The following SIDT1 variants were observed in gnomAD, a reference collection of about 807,000 sequenced individuals.
SIDT1 encodes the protein SID1 transmembrane family member 1.
A neutral mutation model predicts 107.5 loss-of-function variants in SIDT1; 101 were observed. That is an observed-to-expected ratio of 0.94 (90% CI 0.80 to 1.11). The LOEUF is 1.11. Among genes scored for constraint, SIDT1 ranks in the 50% least tolerant of loss-of-function variants. The probability of loss-of-function intolerance (pLI) is 0.00; values close to 1 mark genes in which losing one functional copy is unlikely to be tolerated. For synonymous variants in SIDT1, 395 were observed against 398.2 expected (o/e 0.99, Z 0.10); for missense variants, 1,076 against 1,058.2 (o/e 1.02, Z -0.23).
intron 10 of SIDT1, among the ~76,000 whole-genome samples, chr3:113,596,346 C>G (rs944404413): frequency 9.8e-5 from 15 of 152,352 alleles, no homozygotes; most frequent in African/African-American, 3.6e-4. Context: ...GTGCGCTACT[C>G]TGCATTTGTT....
At chr3:113,592,033 T>C (rs1374896198) in intron 9 of SIDT1, among the ~76,000 whole-genome samples, 2 of 152,174 alleles carry the variant, frequency 1.3e-5, no homozygotes, top group African/African-American at 4.8e-5. Flanking sequence ...TGAAAGAAAC[T>C]AGACACAAAA....
At chr3:113,595,401 C>T (rs1426338067) in intron 10 of SIDT1, among the ~76,000 whole-genome samples, 1 of 151,940 alleles carries the variant, frequency 6.6e-6, no homozygotes, top group African/African-American at 2.4e-5. Context: ...AGTAAGACTT[C>T]GTCTTCATAA....
chr3:113,532,795 C>T lies in SIDT1; in HGVS notation c.-227C>T, dbSNP rs753363129. On this transcript the variant is annotated 5_prime_UTR_variant, in exon 1 of 25. Coordinates refer to ENST00000264852, the MANE Select transcript of SIDT1 (RefSeq NM_017699.3). ...CCACATCTCCACTTCTCCAGTCCGC[C>T]CTACTCTCCACCCGTGACCTCCAGT... 2 of 390,988 alleles carry T rather than the reference C, an allele frequency of 5.1e-6. No individual in the cohort carries two copies. Among genetic ancestry groups the T allele is most frequent in the Non-Finnish European group, 9.0e-6 (2 of 222,156 alleles). 24.2% of individuals were successfully genotyped at this position (390,988 alleles called of 1,614,324 possible).
In SIDT1 at chr3:113,532,718, T is replaced by C. The variant is rs1308526285; in HGVS notation, c.-304T>C. On this transcript the variant is annotated 5_prime_UTR_variant, in exon 1 of 25. Transcript: ENST00000264852. ...AATTCTGGCTGGGTAAGTGGGGGGATTCTCGGCGATGAGAAACGGGGGACT... is the reference window on the plus strand; with the variant it reads ...AATTCTGGCTGGGTAAGTGGGGGGACTCTCGGCGATGAGAAACGGGGGACT... 9.2e-6 allele frequency: 3 copies of C among 325,624 alleles called. No individual in the cohort carries two copies. Among genetic ancestry groups the C allele is most frequent in the Non-Finnish European group, 1.7e-5 (3 of 179,984 alleles). The allele number at this position is 325,624 out of a possible 1,614,324, so 20.2% of individuals were successfully genotyped here. A position where few individuals can be genotyped will look rare whatever the true frequency, so the allele number is the denominator to read the frequency against.
At chr3:113,601,429 A>G (rs1166476442) in intron 10 of SIDT1, 159 bp from the exon 11 acceptor site, 1 of 510,894 alleles carries the variant, frequency 2.0e-6, no homozygotes, top group Non-Finnish European at 3.5e-6. Context: ...GGCAGGCTAG[A>G]TTTGGCAGAT....
At position 113,593,031 on chromosome 3, in the gene SIDT1, G is replaced by A. The variant is rs1461364458; in HGVS notation, c.1028G>A (p.Ser343Asn). 2.5e-6 allele frequency: 4 copies of A among 1,613,736 alleles called. No individual in the cohort carries two copies. Among genetic ancestry groups the A allele is most frequent in the Admixed American group, 1.7e-5 (1 of 60,026 alleles). ...TTTCAGAGAAAATCCATTGATGGAA[G>A]CTTTGGGTCCAATGATGGTAAGAGC... The part of the protein sequence containing the change: ...LRFQRKSIDG[S>N]FGSNDGSGNM... Residue 343 changes from serine to asparagine, a missense_variant, in exon 10 of 25, where the codon AGC (serine) becomes AAC (asparagine). Transcript: ENST00000264852.
intron 1 of SIDT1, among the ~76,000 whole-genome samples, chr3:113,550,620 G>T (rs996300512): frequency 2.0e-5 from 3 of 151,956 alleles, no homozygotes; most frequent in African/African-American, 7.3e-5. Context: ...TTTTTTCTGG[G>T]TTTTTTTGTC....
At chr3:113,560,289 G>T (rs1011162299) in intron 1 of SIDT1, among the ~76,000 whole-genome samples, 3 of 152,182 alleles carry the variant, frequency 2.0e-5, no homozygotes, top group Non-Finnish European at 4.4e-5. Context: ...GGGTAATCAC[G>T]TTGTCCTCTG....
chr3:113,619,854 G>A (rs1258702055), intron 21 of SIDT1, 128 bp downstream of exon 21: 5 of 829,384 alleles, frequency 6.0e-6, no homozygotes, highest in Admixed American at 2.2e-5. Flanking sequence ...GCTTGTTCTA[G>A]AGACTCAAAA....
chr3:113,610,947 A>C lies in SIDT1; in HGVS notation c.1721-61A>C, dbSNP rs150079499. 2.9e-4 allele frequency: 447 copies of C among 1,568,396 alleles called. No individual in the cohort carries two copies. The African/African-American group carries it at 5.1e-3, about 18-fold the overall frequency. On this transcript the variant is annotated intron_variant, in intron 17 of 24. Coordinates refer to ENST00000264852, the MANE Select transcript of SIDT1 (RefSeq NM_017699.3). ...TCAGAGTCTGAAGAAAAATCTAGAA[A>C]ATATCATCTGTCTGTCACCTACTGA...
At chr3:113,607,255 T>A in intron 15 of SIDT1, 141 bp downstream of exon 15, 1 of 587,238 alleles carries the variant, frequency 1.7e-6, no homozygotes, top group Admixed American at 2.9e-5. Flanking sequence ...AACCAAGAAG[T>A]TGAGACCAGG....
intron 14 of SIDT1, among the ~76,000 whole-genome samples, chr3:113,605,708 A>T (rs904579304): frequency 6.6e-6 from 1 of 152,192 alleles, no homozygotes; most frequent in Non-Finnish European, 1.5e-5. Context: ...TTGTAAAATT[A>T]AAAACAGCTT....
At chr3:113,573,055 T>C (rs1001751137) in intron 3 of SIDT1, among the ~76,000 whole-genome samples, 1 of 151,374 alleles carries the variant, frequency 6.6e-6, no homozygotes, top group African/African-American at 2.4e-5. Flanking sequence ...CTCCAGGTGG[T>C]GGCAGGTTAC....
In SIDT1 at chr3:113,533,017, C is replaced by A; in HGVS notation, c.-5C>A. ...CCGCTTTCGAGCCCGGGCGCGGTGCCCACCATGCGCGGCTGCCTGCGGCTC... is the reference window on the plus strand; with the variant it reads ...CCGCTTTCGAGCCCGGGCGCGGTGCACACCATGCGCGGCTGCCTGCGGCTC... On this transcript the variant is annotated 5_prime_UTR_variant, in exon 1 of 25. Transcript: ENST00000264852. 1 of 1,361,146 alleles carries A rather than the reference C, an allele frequency of 7.3e-7. No individual in the cohort carries two copies. Among genetic ancestry groups the A allele is most frequent in the South Asian group, 1.9e-5 (1 of 52,122 alleles). 84.3% of individuals were successfully genotyped at this position (1,361,146 alleles called of 1,614,324 possible). A position where few individuals can be genotyped will look rare whatever the true frequency, so the allele number is the denominator to read the frequency against.
rs1946635043 is a variant in SIDT1, at chr3:113,623,616, C to G, written c.2197-7C>G. 1 of 1,611,824 alleles carries G rather than the reference C, an allele frequency of 6.2e-7. No individual in the cohort carries two copies. The highest frequency in any genetic ancestry group is 1.3e-5 in the African/African-American group (1 of 74,908). On this transcript the variant is annotated splice_region_variant and splice_polypyrimidine_tract_variant and intron_variant, in intron 22 of 24. Transcript: ENST00000264852. ...GCGTGAGGCCGCATCTGCTTCTCCTCCCACAGCTCCGCAGCTCTGAAAAGG... is the reference window on the plus strand; with the variant it reads ...GCGTGAGGCCGCATCTGCTTCTCCTGCCACAGCTCCGCAGCTCTGAAAAGG...
At position 113,608,164 on chromosome 3, in the gene SIDT1, C is replaced by A; in HGVS notation, c.1549C>A (p.Arg517Ser). ...LGFLFLLIVL[R>S]RDILHRRALE... is the part of the protein sequence containing the mutation. ...CTTCCTCTTCCTGCTGATAGTCTTG[C>A]GCCGCGACATCCTCCATCGGAGAGC... is the stretch of plus-strand genomic sequence containing the variant. Residue 517 changes from arginine (R) to serine (S), a missense_variant, in exon 16 of 25, where the codon CGC becomes AGC. Transcript: ENST00000264852. 1 of 1,611,898 alleles carries A rather than the reference C, an allele frequency of 6.2e-7. No homozygotes were observed. Among genetic ancestry groups the A allele is most frequent in the Non-Finnish European group, 8.5e-7 (1 of 1,179,184 alleles).
chr3:113,574,032 G>A (rs1026230004), intron 3 of SIDT1, among the ~76,000 whole-genome samples: 3 of 152,128 alleles, frequency 2.0e-5, no homozygotes, highest in Non-Finnish European at 2.9e-5. Context: ...AGAGAGGAAG[G>A]ACATAGGATG....
At chr3:113,542,936 G>GTGTTTGTT (rs1199061448) in intron 1 of SIDT1, among the ~76,000 whole-genome samples, 2 of 118,426 alleles carry the variant, frequency 1.7e-5, no homozygotes, top group African/African-American at 6.4e-5. Context: ...GTGTGTGTGT[G>GTGTTTGTT]TGTTTGTTTG....
chr3:113,636,425 T>C, the SIDT1 span, among the ~76,000 whole-genome samples: 1 of 151,858 alleles, frequency 6.6e-6, no homozygotes, highest in African/African-American at 2.4e-5. Flanking sequence ...AATAAAAATA[T>C]TTAAAGTGAA....
Sources: gnomAD v4.1 joint callset for allele counts (sites outside exome capture counted in the v4.1 genomes callset) on GRCh38, gnomAD v4.1.1 for gene constraint, MANE v1.5 for transcripts, NCBI Gene and HGNC (gene_info 2026-07-23, HGNC 2026-07-21) for gene names.